Variants in INTS4 observed in about 807,000 individuals in gnomAD.
INTS4 encodes MSTP093.
A neutral mutation model predicts 119.5 loss-of-function variants in INTS4; 70 were observed. The observed-to-expected ratio is 0.59, with a 90% CI of 0.48 to 0.71. The LOEUF (loss-of-function observed/expected upper bound fraction) is 0.71. INTS4 is among the 30% of genes least tolerant of loss of function. INTS4 has a pLI of 0.00. For missense variants in INTS4, 867 were observed against 1,173.2 expected (o/e 0.74, Z 3.81); for synonymous variants, 316 against 419.6 (o/e 0.75, Z 3.02).
chr11:77,990,182 A>G (rs958420788), intron 2 of INTS4, among the ~76,000 whole-genome samples: 11 of 148,170 alleles, frequency 7.4e-5, no homozygotes, highest in Non-Finnish European at 1.6e-4. Context: ...TTGTGCCACC[A>G]CTATACTCCA....
At chr11:77,875,621 A>G (rs1485411636), downstream of INTS4, among the ~76,000 whole-genome samples, 1 of 152,124 alleles carries the variant, frequency 6.6e-6, no homozygotes, top group African/African-American at 2.4e-5. Context: ...TTTCCTGCCT[A>G]CCTTTCTTAA....
chr11:77,963,305 T>A (rs1208525989), intron 4 of INTS4: 2 of 348,852 alleles, frequency 5.7e-6, no homozygotes, highest in Non-Finnish European at 5.2e-6. Flanking sequence ...AAGGTCATCA[T>A]CATTAAGAAC....
chr11:77,980,962 C>A (rs1401275508), intron 3 of INTS4, among the ~76,000 whole-genome samples: 2 of 151,700 alleles, frequency 1.3e-5, no homozygotes, highest in Admixed American at 1.3e-4. Flanking sequence ...CACTGCACTC[C>A]AGCCTGGGAG....
At chr11:77,960,251 CT>C in intron 6 of INTS4, 89 bp downstream of exon 6, 1 of 873,804 alleles carries the variant, frequency 1.1e-6, no homozygotes, top group South Asian at 1.6e-5. Flanking sequence ...TAGCGAAGTC[CT>C]TACGTTTTCA....
At chr11:77,889,121 C>T (rs1952146922) in intron 21 of INTS4, among the ~76,000 whole-genome samples, 1 of 152,288 alleles carries the variant, frequency 6.6e-6, no homozygotes, top group South Asian at 2.1e-4. Flanking sequence ...AAGACACATG[C>T]ACACATATGT....
chr11:77,907,708 C>A lies in INTS4; in HGVS notation c.2016+9G>T. On this transcript the variant is annotated intron_variant, in intron 16 of 22. Transcript: ENST00000534064. ...AACACAATCATAAATGGAATGGATG[C>A]AAACCAACCTTGATGAGAAGTAGTT... 6.2e-7 allele frequency: 1 copy of A among 1,606,202 alleles called. No individual in the cohort carries two copies. Among genetic ancestry groups the A allele is most frequent in the Non-Finnish European group, 8.5e-7 (1 of 1,173,056 alleles).
Position 77,991,202 on chromosome 11 carries a change from T to C in INTS4, c.152A>G (p.Asp51Gly), listed in dbSNP as rs766075585. Residue 51 changes from aspartate (D) to glycine (G), a missense_variant, in exon 2 of 23, where the codon GAT (aspartate) becomes GGT (glycine). Physicochemically the swap from Asp to Gly is moderately conservative, Grantham distance 94. Coordinates refer to ENST00000534064, the MANE Select transcript of INTS4 (RefSeq NM_033547.4). ...IDLCKATSPA[D>G]ALQYLLQFAR... ...AAACTGGAGCAAGTATTGCAAAGCA[T>C]CTGCTGGGGAGGTAGCTTTACACAG... 6.2e-7 allele frequency: 1 copy of C among 1,614,174 alleles called. No individual in the cohort carries two copies. The highest frequency in any genetic ancestry group is 1.1e-5 in the South Asian group (1 of 91,086).
chr11:77,893,891 T>TTAAATAAATAAATAAATAAATAAATAAA (rs56269909), intron 19 of INTS4, among the ~76,000 whole-genome samples: 1 of 137,868 alleles, frequency 7.3e-6, no homozygotes, highest in Non-Finnish European at 1.6e-5. Context: ...AGACTCTGTC[T>TTAAATAAATAAATAAATAAATAAATAAA]TAAATAAATA....
At chr11:77,938,623 G>A (rs1261267704) in intron 10 of INTS4, 28 bp downstream of exon 10, 3 of 1,600,620 alleles carry the variant, frequency 1.9e-6, no homozygotes, top group Admixed American at 3.4e-5. Context: ...CTTAAAGAGT[G>A]CTATTGCTAT....
intron 15 of INTS4, chr11:77,918,232 G>C: frequency 1.6e-6 from 1 of 635,332 alleles, no homozygotes; most frequent in Non-Finnish European, 2.9e-6. Flanking sequence ...AGGAGTTTGA[G>C]ACCAGCCTGG....
chr11:77,990,570 C>T (rs1306899839), intron 2 of INTS4, among the ~76,000 whole-genome samples: 1 of 151,170 alleles, frequency 6.6e-6, no homozygotes, highest in East Asian at 1.9e-4. Flanking sequence ...CCTGTAATCC[C>T]AGCTACTAAG....
chr11:77,916,557 A>G (rs1020749308), intron 15 of INTS4, among the ~76,000 whole-genome samples: 3 of 152,238 alleles, frequency 2.0e-5, no homozygotes, highest in African/African-American at 7.2e-5. Context: ...GTTAAACAAA[A>G]TGAGTCTGCC....
In INTS4 at chr11:77,960,942, A is replaced by G. The variant is rs759360409; in HGVS notation, c.657+11T>C. 6 of 1,587,066 alleles carry G rather than the reference A, an allele frequency of 3.8e-6. No individual in the cohort carries two copies. The highest frequency in any genetic ancestry group is 1.8e-5 in the Admixed American group (1 of 54,848). On this transcript the variant is annotated intron_variant, in intron 5 of 22. Coordinates refer to ENST00000534064, the MANE Select transcript of INTS4 (RefSeq NM_033547.4). ...ACACTAGCCCCAACTAGTTTCCATA[A>G]TCACATTTACCATGGCTTTTATAGC...
chr11:77,958,763 A>G lies in INTS4; in HGVS notation c.780T>C (p.Ser260=). 1 of 1,610,024 alleles carries G rather than the reference A, an allele frequency of 6.2e-7. No homozygotes were observed. Among genetic ancestry groups the G allele is most frequent in the Non-Finnish European group, 8.5e-7 (1 of 1,178,140 alleles). ...ACACTGACCTTTCAGGATAGAGCTGACTGACGACCCAGATAAGCTGGACTG... is the reference window on the plus strand; with the variant it reads ...ACACTGACCTTTCAGGATAGAGCTGGCTGACGACCCAGATAAGCTGGACTG... ...SAAVQLIWVV[S]QLYPESIVPI... is the part of the protein sequence containing the mutation. Residue 260 remains serine, a synonymous_variant, in exon 7 of 23, where the codon AGT becomes AGC. Transcript: ENST00000534064.
At chr11:77,881,504 C>T (rs1266306843) in intron 22 of INTS4, among the ~76,000 whole-genome samples, 1 of 152,252 alleles carries the variant, frequency 6.6e-6, no homozygotes, top group Non-Finnish European at 1.5e-5. Context: ...GGAAGGGTGA[C>T]TGCAGCTTTA....
intron 2 of INTS4, among the ~76,000 whole-genome samples, chr11:77,984,084 C>T (rs553770328): frequency 2.6e-5 from 4 of 152,114 alleles, no homozygotes; most frequent in Non-Finnish European, 5.9e-5. Flanking sequence ...TAGCCTAACA[C>T]ATGGATAAAC....
chr11:77,960,195 T>C (rs1954431903), intron 6 of INTS4, 146 bp downstream of exon 6: 3 of 560,180 alleles, frequency 5.4e-6, no homozygotes, highest in Non-Finnish European at 9.9e-6. Flanking sequence ...AAGTATGTTT[T>C]GAATATGACT....
chr11:77,967,382 A>T (rs1855550030), intron 4 of INTS4, among the ~76,000 whole-genome samples: 1 of 152,124 alleles, frequency 6.6e-6, no homozygotes, highest in Admixed American at 6.6e-5. Context: ...AAGAGCCTTC[A>T]CTAGGAACTG....
chr11:77,978,954 T>C (rs1243464598), intron 4 of INTS4, 42 bp downstream of exon 4: 1 of 1,252,612 alleles, frequency 8.0e-7, no homozygotes, highest in Non-Finnish European at 1.2e-6. Context: ...CAGTCCTCAG[T>C]TACCAGTTTA....
Sources: gnomAD v4.1 joint callset for allele counts (sites outside exome capture counted in the v4.1 genomes callset) on GRCh38, gnomAD v4.1.1 for gene constraint, MANE v1.5 for transcripts, NCBI Gene and HGNC (gene_info 2026-07-23, HGNC 2026-07-21) for gene names.